MCUB: variants seen among roughly 807,000 people sequenced by gnomAD.
MCUB encodes the protein calcium uniporter regulatory subunit MCUb, mitochondrial.
MCUB carries 46 observed loss-of-function variants against 41.4 expected under a neutral mutation model. The observed-to-expected ratio is 1.11, with a 90% CI of 0.88 to 1.42. The LOEUF (loss-of-function observed/expected upper bound fraction) is 1.42. MCUB is among the 40% of genes most tolerant of loss of function. The pLI, the probability that MCUB is intolerant of heterozygous loss-of-function variation, is 0.00. For synonymous variants in MCUB, 148 were observed against 148.2 expected (o/e 1.00, Z 0.01); for missense variants, 403 against 404.9 (o/e 1.00, Z 0.04).
At chr4:109,593,643 G>A (rs1166577820) in intron 1 of MCUB, among the ~76,000 whole-genome samples, 1 of 152,164 alleles carries the variant, frequency 6.6e-6, no homozygotes, top group Non-Finnish European at 1.5e-5. Flanking sequence ...AGAAGGAAAA[G>A]ACTTACTTGA....
chr4:109,606,800 G>A, intron 1 of MCUB, among the ~76,000 whole-genome samples: 1 of 152,200 alleles, frequency 6.6e-6, no homozygotes, highest in East Asian at 1.9e-4. Context: ...AGGCTGGAGT[G>A]CGATGGCGCG....
intron 1 of MCUB, among the ~76,000 whole-genome samples, chr4:109,628,801 T>G (rs1728414928): frequency 6.6e-6 from 1 of 152,202 alleles, no homozygotes; most frequent in African/African-American, 2.4e-5. Context: ...TCTAAAAGGT[T>G]AAGGACGTGG....
chr4:109,666,799 T>C (rs1264473086), intron 4 of MCUB, among the ~76,000 whole-genome samples: 3 of 152,226 alleles, frequency 2.0e-5, no homozygotes, highest in Admixed American at 6.5e-5. Context: ...GTCTTCATTG[T>C]GAATTGGTGT....
chr4:109,654,575 C>T (rs182023432), intron 1 of MCUB, among the ~76,000 whole-genome samples: 2 of 151,956 alleles, frequency 1.3e-5, no homozygotes, highest in East Asian at 3.9e-4. Flanking sequence ...CGCACCATTG[C>T]ACTCCAGCCT....
chr4:109,603,249 C>G (rs1727786654), intron 1 of MCUB, among the ~76,000 whole-genome samples: 1 of 152,192 alleles, frequency 6.6e-6, no homozygotes, highest in Admixed American at 6.5e-5. Flanking sequence ...GCGCGCGCCG[C>G]CACGCCTGAC....
chr4:109,599,072 A>G lies in MCUB; in HGVS notation c.99+38636A>G, dbSNP rs542238971. ...ACCTTTCACTTCATCTGGGGAAAAAAGGTGAAAGTAGAGAAGGTCTTCTCA... is the reference window on the plus strand; with the variant it reads ...ACCTTTCACTTCATCTGGGGAAAAAGGGTGAAAGTAGAGAAGGTCTTCTCA... On this transcript the variant is annotated intron_variant, in intron 1 of 7. Coordinates refer to ENST00000394650, the MANE Select transcript of MCUB (RefSeq NM_017918.5). Among the ~76,000 whole-genome samples the G allele has an allele frequency of 1.2e-3, 182 of 152,318 alleles. 3 individuals are homozygous for G. Among genetic ancestry groups the G allele is most frequent in the African/African-American group, 4.3e-3 (177 of 41,578 alleles).
Position 109,564,860 on chromosome 4 carries a change from A to G in MCUB, c.99+4424A>G, listed in dbSNP as rs148572726. On this transcript the variant is annotated intron_variant, in intron 1 of 7. Transcript: ENST00000394650. The stretch of plus-strand genomic sequence containing the variant: ...AAAGAGGAATCCACTTCCATAAGTG[A>G]GTGAGGAGAGTAGTAACTTCAGTAC... 4.6e-5 allele frequency among the ~76,000 whole-genome samples: 7 copies of G among 152,296 alleles called. No individual in the cohort carries two copies. The South Asian group carries it at 8.3e-4, about 18-fold the overall frequency.
At position 109,612,852 on chromosome 4, in the gene MCUB, A is replaced by G. The variant is rs140756399; in HGVS notation, c.100-46159A>G. On this transcript the variant is annotated intron_variant, in intron 1 of 7. Transcript: ENST00000394650. Reference sequence around the variant, plus strand: ...CCGGGTGCGGTGTCTCACGCCTGTAATCCCAGCACTTTGGGAGGCCAAGGC... The same window carrying G: ...CCGGGTGCGGTGTCTCACGCCTGTAGTCCCAGCACTTTGGGAGGCCAAGGC... 1.9e-3 allele frequency among the ~76,000 whole-genome samples: 296 copies of G among 152,244 alleles called. 5 individuals are homozygous for G. In the East Asian group the frequency reaches 0.045, roughly 23 times the overall value.
At chr4:109,644,653 T>C (rs1384865073) in intron 1 of MCUB, among the ~76,000 whole-genome samples, 1 of 152,194 alleles carries the variant, frequency 6.6e-6, no homozygotes, top group Non-Finnish European at 1.5e-5. Context: ...AGAAAATAAA[T>C]CACCAATAAC....
At chr4:109,632,469 C>CA (rs1728494901) in intron 1 of MCUB, among the ~76,000 whole-genome samples, 1 of 152,114 alleles carries the variant, frequency 6.6e-6, no homozygotes, top group Admixed American at 6.6e-5. Flanking sequence ...TTATTGCTCT[C>CA]ACAGTTTATG....
intron 1 of MCUB, among the ~76,000 whole-genome samples, chr4:109,620,943 G>T (rs1373835687): frequency 6.6e-6 from 1 of 151,384 alleles, no homozygotes; most frequent in Non-Finnish European, 1.5e-5. Flanking sequence ...CTGTCACCCA[G>T]GCTGGAGTGC....
intron 1 of MCUB, among the ~76,000 whole-genome samples, chr4:109,574,035 G>A (rs1372771254): frequency 2.6e-5 from 4 of 151,656 alleles, no homozygotes; most frequent in South Asian, 2.1e-4. Flanking sequence ...CACCATGCCC[G>A]GCTAATTTTT....
At chr4:109,655,564 G>T (rs1346417570) in intron 1 of MCUB, among the ~76,000 whole-genome samples, 1 of 151,934 alleles carries the variant, frequency 6.6e-6, no homozygotes, top group African/African-American at 2.4e-5. Context: ...AAATTCCAAG[G>T]GATTCAGGAG....
chr4:109,660,314 G>A lies in MCUB; in HGVS notation c.295G>A (p.Asp99Asn), dbSNP rs146159118. The A allele has an allele frequency of 5.8e-4, 936 of 1,608,252 alleles. 1 individual carries two copies. Among genetic ancestry groups the A allele is most frequent in the Admixed American group, 1.0e-3 (62 of 59,916 alleles). ...GTCAACAGTTGGTTCATTCCTTCAG[G>A]ACCTACAAAATGAAGATAAGGGTAT... Reference protein sequence around the residue: ...MLSTVGSFLQDLQNEDKGIKT... With the variant: ...MLSTVGSFLQNLQNEDKGIKT... Residue 99 changes from aspartate to asparagine, a missense_variant, in exon 3 of 8, where the codon GAC (aspartate) becomes AAC (asparagine). Transcript: ENST00000394650.
intron 1 of MCUB, among the ~76,000 whole-genome samples, chr4:109,632,547 T>G (rs1457587635): frequency 1.3e-5 from 2 of 151,886 alleles, no homozygotes; most frequent in Non-Finnish European, 2.9e-5. Context: ...AGATTGTGGG[T>G]GCTGGTTAAA....
chr4:109,584,290 G>A (rs1727252252), intron 1 of MCUB, among the ~76,000 whole-genome samples: 1 of 152,136 alleles, frequency 6.6e-6, no homozygotes, highest in South Asian at 2.1e-4. Context: ...GGGATCAGTG[G>A]TGATATCCCC....
chr4:109,577,598 C>CTTTTT (rs71594195), intron 1 of MCUB, among the ~76,000 whole-genome samples: 5 of 48,664 alleles, frequency 1.0e-4, no homozygotes, highest in African/African-American at 1.6e-4. Flanking sequence ...TACTTGAATT[C>CTTTTT]TTTTTTTTTT....
At chr4:109,602,430 A>G (rs1033147462) in intron 1 of MCUB, among the ~76,000 whole-genome samples, 22 of 152,200 alleles carry the variant, frequency 1.4e-4, no homozygotes, top group Admixed American at 3.9e-4. Context: ...TTCTGCATAT[A>G]AATATCCAGT....
intron 1 of MCUB, among the ~76,000 whole-genome samples, chr4:109,654,878 T>C (rs551305879): frequency 3.3e-5 from 5 of 152,152 alleles, no homozygotes; most frequent in African/African-American, 9.7e-5. Context: ...TCTCCAACTT[T>C]CCAAACACCA....
Sources: allele counts gnomAD v4.1 joint callset (sites outside exome capture counted in the v4.1 genomes callset), GRCh38; gene constraint gnomAD v4.1.1; transcripts MANE v1.5; gene names NCBI Gene and HGNC (gene_info 2026-07-23, HGNC 2026-07-21).